ASPM: variants seen among roughly 807,000 people sequenced by gnomAD.
ASPM encodes the protein assembly factor for spindle microtubules.
Under a neutral mutation model 366.4 loss-of-function variants are expected in ASPM, and 256 were observed. The observed-to-expected ratio is 0.70, with a 90% CI of 0.63 to 0.77. The LOEUF is 0.77. Ranked by LOEUF, ASPM falls within the 30% of genes least tolerant of loss-of-function variation. The pLI is 0.00. For synonymous variants in ASPM, 1,414 were observed against 1,342.9 expected (o/e 1.05, Z -1.16); for missense variants, 4,146 against 4,090.4 (o/e 1.01, Z -0.37).
intron 19 of ASPM, among the ~76,000 whole-genome samples, chr1:197,094,665 GAT>G (rs1199539836): frequency 6.6e-6 from 1 of 151,714 alleles, no homozygotes; most frequent in African/African-American, 2.4e-5. Flanking sequence ...TCTAAGTAGA[GAT>G]ATTTCGTAAA....
Position 197,095,981 on chromosome 1 carries a change from G to T in ASPM, c.8987+17C>A. On this transcript the variant is annotated intron_variant, in intron 19 of 27. Coordinates refer to ENST00000367409, the MANE Select transcript of ASPM (RefSeq NM_018136.5). ...CACAAATACTTTTACACTCTCCACA[G>T]AACTATGATACATTACCGTGTTCTC... The T allele has an allele frequency of 2.5e-6, 4 of 1,595,740 alleles. No individual in the cohort carries two copies. Among genetic ancestry groups the T allele is most frequent in the Non-Finnish European group, 3.4e-6 (4 of 1,165,520 alleles).
chr1:197,104,010 C>G lies in ASPM; in HGVS notation c.5241G>C (p.Gln1747His). 1 of 1,612,630 alleles carries G rather than the reference C, an allele frequency of 6.2e-7. No individual in the cohort carries two copies. Among genetic ancestry groups the G allele is most frequent in the Non-Finnish European group, 8.5e-7 (1 of 1,179,418 alleles). Residue 1747 changes from glutamine (Q) to histidine (H), a missense_variant, in exon 18 of 28, where the codon CAG becomes CAC. By Grantham distance (24) the Gln-to-His change is conservative (BLOSUM62 0). Coordinates refer to ENST00000367409, the MANE Select transcript of ASPM (RefSeq NM_018136.5). ...AFVRGYLVRKQMRLQRKAVIS... is the reference protein window; with the variant it reads ...AFVRGYLVRKHMRLQRKAVIS... ...TAACAGCTTTTCTTTGTAACCTCAT[C>G]TGCTTTCGGACAAGGTATCCTCTAA...
At chr1:197,137,434 G>T (rs1296272721) in intron 4 of ASPM, among the ~76,000 whole-genome samples, 2 of 152,162 alleles carry the variant, frequency 1.3e-5, no homozygotes, top group African/African-American at 4.8e-5. Flanking sequence ...TATAAAATCT[G>T]TAAGATGATT....
In ASPM at chr1:197,101,986, A is replaced by T. The variant is rs754087532; in HGVS notation, c.7265T>A (p.Leu2422Gln). Residue 2422 changes from leucine to glutamine, a missense_variant, in exon 18 of 28, where the codon CTG (leucine) becomes CAG (glutamine). Leu to Gln is a moderately radical substitution (Grantham distance 113). Around this residue, in one of 3 missense-constraint regions of ASPM, gnomAD observed 3,624 missense variants for 3,591.7 expected, o/e 1.01. Transcript: ENST00000367409. ...GAGGGAAATGAATCTTCTCCTCACC[A>T]GTAATGATCTAAACCTACTCTGAAT... ...TLIQSRFRSLLVRRRFISLKK... is the reference protein window; with the variant it reads ...TLIQSRFRSLQVRRRFISLKK... 2 of 1,612,892 alleles carry T rather than the reference A, an allele frequency of 1.2e-6. No homozygotes were observed. The highest frequency in any genetic ancestry group is 8.5e-7 in the Non-Finnish European group (1 of 1,179,312).
rs761091851 is a variant in ASPM, at chr1:197,124,169, C to T, written c.3331G>A (p.Glu1111Lys). 49 of 1,612,604 alleles carry T rather than the reference C, an allele frequency of 3.0e-5. No homozygotes were observed. The highest frequency in any genetic ancestry group is 3.8e-5 in the Non-Finnish European group (45 of 1,179,230). ...CAATCCATCAATAACTTTATGTTTT[C>T]ACTATATTGTTCAAAGGAACCACTA... ...RDSGSFEQYS[E>K]NIKLLMDWVN... is the part of the protein sequence containing the mutation. Residue 1111 changes from glutamate (E) to lysine (K), a missense_variant, in exon 13 of 28, where the codon GAA becomes AAA. By Grantham distance (56) the Glu-to-Lys change is moderately conservative. Around this residue, in one of 3 missense-constraint regions of ASPM, gnomAD observed 3,624 missense variants for 3,591.7 expected, o/e 1.01. Transcript: ENST00000367409.
rs146977098 is a variant in ASPM at position 197,127,644 on chromosome 1, C to T, written c.2936+846G>A. On this transcript the variant is annotated intron_variant, in intron 10 of 27. Coordinates refer to ENST00000367409, the MANE Select transcript of ASPM (RefSeq NM_018136.5). ...GGCCATTCCTTCTAAGCAAAACTGGCTATCCATCATACATACCAAAGCCAA... is the reference window on the plus strand; with the variant it reads ...GGCCATTCCTTCTAAGCAAAACTGGTTATCCATCATACATACCAAAGCCAA... Among the ~76,000 whole-genome samples the T allele has an allele frequency of 1.4e-3, 210 of 152,276 alleles. 1 individual carries two copies. Among genetic ancestry groups the T allele is most frequent in the African/African-American group, 4.9e-3 (202 of 41,560 alleles).
chr1:197,109,337 TA>T (rs1177758345), intron 17 of ASPM, among the ~76,000 whole-genome samples: 2 of 152,078 alleles, frequency 1.3e-5, no homozygotes, highest in Non-Finnish European at 2.9e-5. Context: ...AAAAAATACA[TA>T]ACTAATATTT....
intron 17 of ASPM, among the ~76,000 whole-genome samples, chr1:197,108,571 G>A (rs933394437): frequency 1.3e-5 from 2 of 152,058 alleles, no homozygotes; most frequent in African/African-American, 4.8e-5. Context: ...GATATACTTT[G>A]TATATACATA....
intron 6 of ASPM, among the ~76,000 whole-genome samples, chr1:197,132,751 T>C (rs1658301521): frequency 1.3e-5 from 2 of 149,070 alleles, no homozygotes; most frequent in South Asian, 4.2e-4. Context: ...AATAAATATA[T>C]ATGATAAATA....
At chr1:197,132,715 T>C (rs1658299490) in intron 6 of ASPM, among the ~76,000 whole-genome samples, 1 of 150,612 alleles carries the variant, frequency 6.6e-6, no homozygotes, top group South Asian at 2.1e-4. Context: ...GTGGGGTATG[T>C]GTATGTGTGT....
intron 17 of ASPM, among the ~76,000 whole-genome samples, chr1:197,105,853 T>C (rs929080036): frequency 6.6e-6 from 1 of 152,012 alleles, no homozygotes; most frequent in Non-Finnish European, 1.5e-5. Context: ...CAACTGTATG[T>C]TGGCTCAACA....
chr1:197,100,872 C>T lies in ASPM; in HGVS notation c.8379G>A (p.Met2793Ile), dbSNP rs376057172. ...CAGAAGCTTTATACCACTCTTGAAT[C>T]ATAACACCTTCACTTTGAACAGCTT... The part of the protein sequence containing the change: ...QYEAVQSEGV[M>I]IQEWYKASGL... The change falls in exon 18 of 28, where the codon ATG (methionine) becomes ATA (isoleucine). Residue 2793 changes from methionine to isoleucine, a missense_variant. By Grantham distance (10) the Met-to-Ile change is conservative. Transcript: ENST00000367409. 1.2e-6 allele frequency: 2 copies of T among 1,612,660 alleles called. No individual in the cohort carries two copies. The highest frequency in any genetic ancestry group is 1.7e-6 in the Non-Finnish European group (2 of 1,179,146).
At chr1:197,109,977 T>A (rs1474091962) in intron 17 of ASPM, among the ~76,000 whole-genome samples, 1 of 152,036 alleles carries the variant, frequency 6.6e-6, no homozygotes, top group East Asian at 1.9e-4. Context: ...ATCAGAATAA[T>A]CAACATAGTA....
chr1:197,146,445 T>G lies in ASPM; in HGVS notation c.-8A>C. 6.2e-7 allele frequency: 1 copy of G among 1,605,370 alleles called. No homozygotes were observed. The highest frequency in any genetic ancestry group is 2.2e-5 in the East Asian group (1 of 44,808). On this transcript the variant is annotated 5_prime_UTR_variant, in exon 1 of 28. Transcript: ENST00000367409. ...CACTCGCCGGTTCGCCATGGCAGAT[T>G]CGAGACCCCTCCTGGATCTCCTTGC...
chr1:197,088,579 TAG>T (rs1656673118), intron 25 of ASPM, 147 bp from the exon 26 acceptor site: 1 of 624,774 alleles, frequency 1.6e-6, no homozygotes, highest in African/African-American at 1.8e-5. Context: ...CTTTGTGAAA[TAG>T]CTTTGATATT....
chr1:197,085,837 T>C (rs554272361), intron 27 of ASPM, among the ~76,000 whole-genome samples: 15 of 152,140 alleles, frequency 9.9e-5, no homozygotes, highest in Non-Finnish European at 1.9e-4. Context: ...TTCCTAACTG[T>C]ATACATTTGT....
chr1:197,103,563 C>A lies in ASPM; in HGVS notation c.5688G>T (p.Arg1896Ser), dbSNP rs1237484075. The A allele has an allele frequency of 6.2e-7, 1 of 1,612,926 alleles. No individual in the cohort carries two copies. Among genetic ancestry groups the A allele is most frequent in the East Asian group, 2.2e-5 (1 of 44,816 alleles). Residue 1896 changes from arginine (R) to serine (S), a missense_variant, in exon 18 of 28, where the codon AGG (arginine) becomes AGT (serine). This residue lies in a region of ASPM where 3,624 missense variants were observed against 3,591.7 expected (regional missense o/e 1.01). Transcript: ENST00000367409. ...RGWKVRKQIR[R>S]EHQAALKIQS... Reference sequence around the variant, plus strand: ...GAATCTTCAAGGCAGCTTGATGTTCCCTTCTAATCTGTTTCCGAACCTTCC... The same window carrying A: ...GAATCTTCAAGGCAGCTTGATGTTCACTTCTAATCTGTTTCCGAACCTTCC...
intron 15 of ASPM, 48 bp from the exon 16 acceptor site, chr1:197,122,091 CAG>C: frequency 6.2e-7 from 1 of 1,600,752 alleles, no homozygotes; most frequent in Non-Finnish European, 8.6e-7. Flanking sequence ...ACAGAGAATA[CAG>C]TACTTACTAT....
intron 16 of ASPM, among the ~76,000 whole-genome samples, chr1:197,118,422 C>T (rs868499518): frequency 7.2e-5 from 11 of 151,910 alleles, no homozygotes; most frequent in African/African-American, 2.4e-4. Flanking sequence ...AGGGGAGAAA[C>T]AAAATACCTC....
Sources: allele counts gnomAD v4.1 joint callset (sites outside exome capture counted in the v4.1 genomes callset), GRCh38; gene constraint gnomAD v4.1.1; regional missense constraint gnomAD v4.1.1; transcripts MANE v1.5; gene names NCBI Gene and HGNC (gene_info 2026-07-23, HGNC 2026-07-21).